KIAA1217: variants seen among roughly 807,000 people sequenced by gnomAD.
The protein encoded by KIAA1217 is KIAA1217.
KIAA1217 carries 88 observed loss-of-function variants against 163.9 expected under a neutral mutation model. That is an observed-to-expected ratio of 0.54 (90% CI 0.45 to 0.64). The LOEUF (loss-of-function observed/expected upper bound fraction) is 0.64, where lower values mean the gene tolerates loss of function less well. Among genes scored for constraint, KIAA1217 ranks in the 30% least tolerant of loss-of-function variants. KIAA1217 has a pLI of 0.00. For missense variants in KIAA1217, 2,372 were observed against 2,475.0 expected (o/e 0.96, Z 0.88); for synonymous variants, 903 against 923.1 (o/e 0.98, Z 0.39).
intron 2 of KIAA1217, among the ~76,000 whole-genome samples, chr10:24,139,363 G>A (rs1054948783): frequency 6.6e-5 from 10 of 151,878 alleles, no homozygotes; most frequent in Non-Finnish European, 1.2e-4. Flanking sequence ...CTTTTTTTGA[G>A]TATATATTGA....
intron 14 of KIAA1217, 152 bp downstream of exon 14, chr10:24,528,271 G>T: frequency 1.6e-6 from 1 of 614,666 alleles, no homozygotes; most frequent in South Asian, 2.7e-5. Context: ...CAAATCCTCT[G>T]GTGTTCCTTA....
At chr10:24,172,768 G>A (rs1253472750) in intron 2 of KIAA1217, among the ~76,000 whole-genome samples, 1 of 152,084 alleles carries the variant, frequency 6.6e-6, no homozygotes, top group Non-Finnish European at 1.5e-5. Context: ...TCAAACTCAG[G>A]CACTCCGTAT....
At chr10:24,377,673 T>A (rs1460958081) in intron 2 of KIAA1217, among the ~76,000 whole-genome samples, 1 of 152,212 alleles carries the variant, frequency 6.6e-6, no homozygotes, top group African/African-American at 2.4e-5. Flanking sequence ...CCTTGTATTG[T>A]AACCCCTCAT....
intron 1 of KIAA1217, among the ~76,000 whole-genome samples, chr10:23,848,411 A>G (rs1003951794): frequency 2.0e-5 from 3 of 151,960 alleles, no homozygotes; most frequent in Admixed American, 2.0e-4. Context: ...TAAAGTGTTC[A>G]TGGAACCCTT....
At chr10:23,713,117 G>A (rs1054538225) in intron 1 of KIAA1217, among the ~76,000 whole-genome samples, 15 of 152,122 alleles carry the variant, frequency 9.9e-5, no homozygotes, top group African/African-American at 3.6e-4. Context: ...TGAGGTATTA[G>A]AAAATAGGAG....
intron 1 of KIAA1217, among the ~76,000 whole-genome samples, chr10:23,761,468 T>C (rs1309182897): frequency 6.6e-6 from 1 of 152,212 alleles, no homozygotes; most frequent in Non-Finnish European, 1.5e-5. Context: ...TTTTTCTCCT[T>C]GGTTTCAAAG....
At chr10:24,175,200 T>G (rs1273309560) in intron 2 of KIAA1217, among the ~76,000 whole-genome samples, 1 of 147,088 alleles carries the variant, frequency 6.8e-6, no homozygotes, top group Non-Finnish European at 1.5e-5. Context: ...CCTTCCATCC[T>G]TTTCCCGAGT....
chr10:24,340,941 G>A lies in KIAA1217; in HGVS notation c.355-39928G>A, dbSNP rs185299023. 3.2e-4 allele frequency among the ~76,000 whole-genome samples: 48 copies of A among 152,010 alleles called. 1 individual carries two copies. The East Asian group carries it at 6.2e-3, about 20-fold the overall frequency. On this transcript the variant is annotated intron_variant, in intron 2 of 20. Coordinates refer to ENST00000376454, the MANE Select transcript of KIAA1217 (RefSeq NM_019590.5). ...TTTGAATGTGTGTGAGCACGTGCAC[G>A]CTTGTAAATGTGTCTGACACATGTT...
chr10:24,197,039 C>T (rs566565043), intron 2 of KIAA1217, among the ~76,000 whole-genome samples: 1 of 152,136 alleles, frequency 6.6e-6, no homozygotes, highest in Admixed American at 6.6e-5. Flanking sequence ...TGGAGTTAAA[C>T]GAAAGAGTTT....
In KIAA1217 at chr10:23,823,770, C is replaced by T. The variant is rs78903527; in HGVS notation, c.-321+128536C>T. On this transcript the variant is annotated intron_variant, in intron 1 of 18. Transcript: ENST00000376462. ...AAAATATCAAAACTTTGTTTTAGTT[C>T]GGGGTAATGGCAAGTTGGGATGGGC... Among the ~76,000 whole-genome samples the T allele has an allele frequency of 1.2e-3, 186 of 151,918 alleles. 13 individuals carry two copies. The East Asian group carries it at 0.028, about 23-fold the overall frequency.
chr10:24,374,820 T>A (rs1303739840), intron 2 of KIAA1217, among the ~76,000 whole-genome samples: 2 of 152,204 alleles, frequency 1.3e-5, no homozygotes, highest in Non-Finnish European at 2.9e-5. Context: ...GGAGTCTTGT[T>A]CTTTCTCCCA....
intron 1 of KIAA1217, among the ~76,000 whole-genome samples, chr10:23,888,750 A>G (rs140359034): frequency 1.4e-4 from 21 of 152,062 alleles, no homozygotes; most frequent in African/African-American, 5.1e-4. Context: ...TGCATAAAGT[A>G]AATGTACCCA....
At chr10:24,172,613 T>A (rs1024386449) in intron 2 of KIAA1217, among the ~76,000 whole-genome samples, 1 of 152,196 alleles carries the variant, frequency 6.6e-6, no homozygotes, top group Non-Finnish European at 1.5e-5. Flanking sequence ...ATCTGTCCAA[T>A]GGTTAAACAT....
intron 2 of KIAA1217, among the ~76,000 whole-genome samples, chr10:24,254,585 C>T (rs1276189677): frequency 6.6e-6 from 1 of 152,184 alleles, no homozygotes; most frequent in Non-Finnish European, 1.5e-5. Flanking sequence ...CTAGAAGCTC[C>T]AACCTGGTAT....
Position 24,383,415 on chromosome 10 carries a change from G to A in KIAA1217, c.553+2348G>A, listed in dbSNP as rs1045066618. 2.0e-5 allele frequency among the ~76,000 whole-genome samples: 3 copies of A among 152,336 alleles called. No individual in the cohort carries two copies. The South Asian group carries it at 6.2e-4, about 32-fold the overall frequency. ...GGCAGTGCAGGTTGAGACTTGCTGG[G>A]TTCAGGAACCAAGCCTTGGGGCAGA... On this transcript the variant is annotated intron_variant, in intron 3 of 20. Coordinates refer to ENST00000376454, the MANE Select transcript of KIAA1217 (RefSeq NM_019590.5).
At chr10:23,900,968 C>T (rs1045282744) in intron 1 of KIAA1217, among the ~76,000 whole-genome samples, 1 of 151,972 alleles carries the variant, frequency 6.6e-6, no homozygotes, top group African/African-American at 2.4e-5. Context: ...AGTAGGTGCT[C>T]AAATTATCAA....
chr10:23,861,018 A>T (rs114060809), intron 1 of KIAA1217, among the ~76,000 whole-genome samples: 1,937 of 151,736 alleles, frequency 0.013, 58 homozygotes, highest in African/African-American at 0.044. Context: ...GCTCCAGCGA[A>T]CCTACCACCT....
At chr10:24,338,951 C>T (rs1195417348) in intron 2 of KIAA1217, among the ~76,000 whole-genome samples, 4 of 152,092 alleles carry the variant, frequency 2.6e-5, no homozygotes, top group South Asian at 2.1e-4. Context: ...AGGAAAATTT[C>T]GAGTCAAAGT....
chr10:24,171,663 G>T lies in KIAA1217; in HGVS notation c.-170-47963G>T, dbSNP rs1410651359. ...CTACTAAAAACACAAAATTAGCCGG[G>T]TGTGGTGGTGCATACCAGGAGGATG... On this transcript the variant is annotated intron_variant, in intron 2 of 18. Coordinates refer to the KIAA1217 transcript ENST00000376462. Among the ~76,000 whole-genome samples the T allele has an allele frequency of 2.0e-5, 3 of 152,054 alleles. No individual in the cohort carries two copies. In the South Asian group the frequency reaches 6.2e-4, roughly 31 times the overall value.
Sources: allele counts gnomAD v4.1 joint callset (sites outside exome capture counted in the v4.1 genomes callset), GRCh38; gene constraint gnomAD v4.1.1; transcripts MANE v1.5; gene names NCBI Gene and HGNC (gene_info 2026-07-23, HGNC 2026-07-21).